Variants in TGIF1 observed in about 807,000 individuals in gnomAD.
TGIF1 encodes the protein homeobox protein TGIF1.
A neutral mutation model predicts 19.3 loss-of-function variants in TGIF1; 4 were observed. The observed-to-expected ratio is 0.21, with a 90% CI of 0.10 to 0.47. The LOEUF (loss-of-function observed/expected upper bound fraction) is 0.47, where lower values mean the gene tolerates loss of function less well. TGIF1 is among the 20% of genes least tolerant of loss of function. The pLI is 0.98. For missense variants in TGIF1, 275 were observed against 341.4 expected (o/e 0.81, Z 1.53); for synonymous variants, 122 against 129.3 (o/e 0.94, Z 0.38).
intron 2 of TGIF1, among the ~76,000 whole-genome samples, chr18:3,438,246 G>T (rs1404631525): frequency 6.6e-6 from 1 of 152,034 alleles, no homozygotes; most frequent in African/African-American, 2.4e-5. Context: ...TGAAAAAGTT[G>T]GTTTAGTTTT....
intron 1 of TGIF1, chr18:3,452,468 C>T (rs2083001667): frequency 1.9e-6 from 3 of 1,589,150 alleles, no homozygotes; most frequent in Non-Finnish European, 2.6e-6. Flanking sequence ...GTTTCTTTCC[C>T]CTTTTAGGTT....
At position 3,456,223 on chromosome 18, in the gene TGIF1, A is replaced by C. The variant is rs2049348520; in HGVS notation, c.17-131A>C. On this transcript the variant is annotated intron_variant, in intron 1 of 2. Transcript: ENST00000343820. This position sits in a 1 kb window ranked among gnomAD's most constrained non-coding sequence, Gnocchi z 4.2. ...CTTGGACCCTGAATTCAGGACAGAAAACACTGCTCCTTCTCCTCGCTCTCA... is the reference window on the plus strand; with the variant it reads ...CTTGGACCCTGAATTCAGGACAGAACACACTGCTCCTTCTCCTCGCTCTCA... The C allele has an allele frequency of 2.1e-6, 2 of 932,560 alleles. No homozygotes were observed. The highest frequency in any genetic ancestry group is 1.7e-5 in the Admixed American group (1 of 59,122). 57.8% of individuals were successfully genotyped at this position (932,560 alleles called of 1,614,324 possible).
chr18:3,451,497 T>G lies in TGIF1; in HGVS notation c.16+992T>G. On this transcript the variant is annotated intron_variant, in intron 1 of 2. Transcript: ENST00000343820. This position sits in a 1 kb window ranked among gnomAD's most constrained non-coding sequence, Gnocchi z 5.4. ...GGTGGCGTTTCTGTCGTGATTTATG[T>G]GGAGTGGTTCAAAACAGAAGTTAAT... 1 of 989,924 alleles carries G rather than the reference T, an allele frequency of 1.0e-6. No homozygotes were observed. The highest frequency in any genetic ancestry group is 1.2e-6 in the Non-Finnish European group (1 of 833,204). The allele number at this position is 989,924 out of a possible 1,614,324, so 61.3% of individuals were successfully genotyped here.
intron 2 of TGIF1, among the ~76,000 whole-genome samples, chr18:3,444,135 G>A (rs937660474): frequency 6.6e-6 from 1 of 151,364 alleles, no homozygotes; most frequent in African/African-American, 2.4e-5. Context: ...TAGTACAGAC[G>A]GGTTTCACCA....
chr18:3,421,834 A>G (rs1469842775), intron 2 of TGIF1, among the ~76,000 whole-genome samples: 1 of 152,056 alleles, frequency 6.6e-6, no homozygotes, highest in East Asian at 1.9e-4. Context: ...GTTACCATGG[A>G]AGCTGAACAC....
Position 3,456,171 on chromosome 18 carries a change from T to A in TGIF1, c.17-183T>A. The A allele has an allele frequency of 1.4e-6, 1 of 718,588 alleles. No individual in the cohort carries two copies. Among genetic ancestry groups the A allele is most frequent in the Non-Finnish European group, 2.5e-6 (1 of 397,346 alleles). The allele number at this position is 718,588 out of a possible 1,614,324, so 44.5% of individuals were successfully genotyped here. On this transcript the variant is annotated intron_variant, in intron 1 of 2. Coordinates refer to ENST00000343820, the MANE Select transcript of TGIF1 (RefSeq NM_003244.4). The surrounding 1 kb of genome is among the most constrained non-coding windows in gnomAD (Gnocchi z 4.2). ...ATCTGGCATTTGGTTGAGAGCCTCC[T>A]ATGTGGTGCTAGTCAAACTACTTTT...
intron 2 of TGIF1, among the ~76,000 whole-genome samples, chr18:3,441,136 A>G (rs1305306738): frequency 1.3e-5 from 2 of 152,192 alleles, no homozygotes; most frequent in Admixed American, 6.6e-5. Flanking sequence ...CTTTTTAAAC[A>G]CAGAGTTTTT....
At chr18:3,439,244 T>C (rs1039987245) in intron 2 of TGIF1, among the ~76,000 whole-genome samples, 7 of 152,146 alleles carry the variant, frequency 4.6e-5, no homozygotes, top group African/African-American at 1.7e-4. Flanking sequence ...TCCTCACTAT[T>C]GGATATATTT....
At position 3,453,779 on chromosome 18, in the gene TGIF1, C is replaced by T. The variant is rs1013508211; in HGVS notation, c.17-2575C>T. 148 of 984,442 alleles carry T rather than the reference C, an allele frequency of 1.5e-4. No homozygotes were observed. The African/African-American group carries it at 2.5e-3, about 17-fold the overall frequency. 61.0% of individuals were successfully genotyped at this position (984,442 alleles called of 1,614,324 possible). ...GGCCATGTTGTGGCTTTCTCCACAACATTTCCTTGTATGTGGATAGCGTGA... is the reference window on the plus strand; with the variant it reads ...GGCCATGTTGTGGCTTTCTCCACAATATTTCCTTGTATGTGGATAGCGTGA... On this transcript the variant is annotated intron_variant, in intron 1 of 2. Coordinates refer to ENST00000343820, the MANE Select transcript of TGIF1 (RefSeq NM_003244.4).
rs533693079 is a variant in TGIF1, at chr18:3,457,937, T to C, written c.816T>C (p.Ala272=). The C allele has an allele frequency of 1.0e-5, 16 of 1,600,028 alleles. No individual in the cohort carries two copies. The South Asian group carries it at 1.4e-4, about 14-fold the overall frequency. Residue 272 remains alanine (A), a synonymous_variant, in exon 3 of 3, where the codon GCT becomes GCC. Transcript: ENST00000343820. The surrounding 1 kb of genome is among the most constrained non-coding windows in gnomAD (Gnocchi z 4.9). ...AEMELQAKLT[A] ...TGGAGCTTCAGGCAAAACTTACAGCTTAACCCATTTTCAAGCAAAACAGTT... is the reference window on the plus strand; with the variant it reads ...TGGAGCTTCAGGCAAAACTTACAGCCTAACCCATTTTCAAGCAAAACAGTT...
chr18:3,443,320 G>A (rs937088807), intron 2 of TGIF1, among the ~76,000 whole-genome samples: 1 of 152,088 alleles, frequency 6.6e-6, no homozygotes, highest in Non-Finnish European at 1.5e-5. Flanking sequence ...GTATTGTTTA[G>A]ATTATTGGCT....
chr18:3,450,143 C>A, upstream of TGIF1: 1 of 1,202,686 alleles, frequency 8.3e-7, no homozygotes, highest in Non-Finnish European at 1.0e-6. Context: ...GAGGCAGGAC[C>A]TCCTGTACCT....
intron 2 of TGIF1, among the ~76,000 whole-genome samples, chr18:3,426,186 T>TTTTGG (rs2082465841): frequency 6.7e-6 from 1 of 148,524 alleles, no homozygotes; most frequent in African/African-American, 2.5e-5. Flanking sequence ...TTTTTTTTTT[T>TTTTGG]GAGACAGGGT....
intron 2 of TGIF1, among the ~76,000 whole-genome samples, chr18:3,434,536 C>CA (rs2082591444): frequency 6.8e-6 from 1 of 147,916 alleles, no homozygotes. Flanking sequence ...AACTGCATCT[C>CA]AAAAAATAAA....
At chr18:3,416,793 G>A (rs1392543292) in intron 1 of TGIF1, among the ~76,000 whole-genome samples, 5 of 151,610 alleles carry the variant, frequency 3.3e-5, no homozygotes, top group African/African-American at 9.7e-5. Context: ...TTAGCCGGGC[G>A]TGTTGGCGCA....
intron 2 of TGIF1, among the ~76,000 whole-genome samples, chr18:3,440,068 G>A (rs572933371): frequency 1.3e-5 from 2 of 151,336 alleles, no homozygotes; most frequent in Admixed American, 1.3e-4. Flanking sequence ...TTTCACCCTT[G>A]AAAAGGAGCT....
intron 2 of TGIF1, among the ~76,000 whole-genome samples, chr18:3,425,774 C>T (rs1015226048): frequency 6.6e-5 from 10 of 152,142 alleles, no homozygotes; most frequent in Non-Finnish European, 1.5e-4. Context: ...TGACTGTCTC[C>T]TGCGTGGTGC....
chr18:3,427,746 A>T (rs181028392), intron 2 of TGIF1, among the ~76,000 whole-genome samples: 1 of 151,320 alleles, frequency 6.6e-6, no homozygotes, highest in Non-Finnish European at 1.5e-5. Flanking sequence ...ATTACAGGCA[A>T]CTGCCACCAC....
chr18:3,456,069 G>C lies in TGIF1; in HGVS notation c.17-285G>C. The C allele has an allele frequency of 6.4e-6, 3 of 469,142 alleles. 1 individual carries two copies. Among genetic ancestry groups the C allele is most frequent in the South Asian group, 6.3e-5 (3 of 47,622 alleles). The allele number at this position is 469,142 out of a possible 1,614,324, so 29.1% of individuals were successfully genotyped here. A position where few individuals can be genotyped will look rare whatever the true frequency, so the allele number is the denominator to read the frequency against. On this transcript the variant is annotated intron_variant, in intron 1 of 2. Transcript: ENST00000343820. This position sits in a 1 kb window ranked among gnomAD's most constrained non-coding sequence, Gnocchi z 4.2. Reference sequence around the variant, plus strand: ...AGTTTGTCTCCTCCAATGATTAGACGAAAGAGTTTTCTGACCATCATTCAA... The same window carrying C: ...AGTTTGTCTCCTCCAATGATTAGACCAAAGAGTTTTCTGACCATCATTCAA...
Sources: allele counts gnomAD v4.1 joint callset (sites outside exome capture counted in the v4.1 genomes callset), GRCh38; gene constraint gnomAD v4.1.1; non-coding constraint Gnocchi (gnomAD v3.1); transcripts MANE v1.5; gene names NCBI Gene and HGNC (gene_info 2026-07-23, HGNC 2026-07-21).